Variants in NHSL2 observed in about 807,000 individuals in gnomAD.
NHSL2 encodes NHS-like protein 2.
NHSL2 carries 27 observed loss-of-function variants against 53.4 expected under a neutral mutation model. That is an observed-to-expected ratio of 0.51 (90% CI 0.37 to 0.70). The LOEUF (loss-of-function observed/expected upper bound fraction) is 0.70. NHSL2 is among the 30% of genes least tolerant of loss of function. The pLI, the probability that NHSL2 is intolerant of heterozygous loss-of-function variation, is 0.00. For synonymous variants in NHSL2, 408 were observed against 404.1 expected, an observed-to-expected ratio of 1.01 and a Z score of -0.12; for missense variants, 892 against 980.1, an observed-to-expected ratio of 0.91 and a Z score of 1.20.
chrX:72,004,714 G>T (rs1037784995), intron 1 of NHSL2, among the ~76,000 whole-genome samples: 3 of 106,924 alleles, frequency 2.8e-5, no homozygotes, highest in Non-Finnish European at 5.8e-5. Context: ...TGTCTGCTAG[G>T]ACCTGTCCGC....
intron 1 of NHSL2, among the ~76,000 whole-genome samples, chrX:72,034,185 C>T (rs1229762755): frequency 8.9e-6 from 1 of 111,845 alleles, no homozygotes; most frequent in African/African-American, 3.3e-5. Flanking sequence ...TATGGTTATT[C>T]TTCTTTAGCC....
chrX:71,979,743 T>C (rs2041966176), intron 1 of NHSL2, among the ~76,000 whole-genome samples: 1 of 112,019 alleles, frequency 8.9e-6, no homozygotes, highest in Admixed American at 9.4e-5. Context: ...TTTCTTTTGC[T>C]GTGCAGAAGC....
chrX:72,007,762 A>G (rs983196952), intron 1 of NHSL2, among the ~76,000 whole-genome samples: 9 of 113,427 alleles, frequency 7.9e-5, no homozygotes, highest in African/African-American at 1.6e-4. Flanking sequence ...CCAGATTCCA[A>G]TGAAGGTCAT....
chrX:71,987,315 G>T (rs1023806544), intron 1 of NHSL2, among the ~76,000 whole-genome samples: 3 of 112,714 alleles, frequency 2.7e-5, no homozygotes, highest in African/African-American at 9.7e-5. Flanking sequence ...TGGCTAGTAA[G>T]CCATTGTAGT....
intron 4 of NHSL2, 130 bp from the exon 5 acceptor site, chrX:72,136,961 GGAA>G: frequency 1.8e-6 from 1 of 549,835 alleles, no homozygotes. Flanking sequence ...GGAAGGATGA[GGAA>G]GAAGTGCCAC....
At chrX:72,055,859 G>A (rs2042366290) in intron 1 of NHSL2, among the ~76,000 whole-genome samples, 1 of 112,544 alleles carries the variant, frequency 8.9e-6, no homozygotes, top group Non-Finnish European at 1.9e-5. Flanking sequence ...TTCTAAAAAA[G>A]ATGTCACCTT....
At chrX:72,017,102 C>A (rs1402276372) in intron 1 of NHSL2, among the ~76,000 whole-genome samples, 1 of 111,497 alleles carries the variant, frequency 9.0e-6, no homozygotes, top group Admixed American at 9.4e-5. Flanking sequence ...AAACAACCCA[C>A]CCCAGAAGGG....
intron 1 of NHSL2, among the ~76,000 whole-genome samples, chrX:71,985,734 A>C (rs1021034484): frequency 8.9e-6 from 1 of 112,725 alleles, no homozygotes; most frequent in Non-Finnish European, 1.9e-5. Context: ...CAGTCCATTC[A>C]GTCAACTCCT....
chrX:72,031,474 C>G (rs1198064439), intron 1 of NHSL2, among the ~76,000 whole-genome samples: 3 of 112,342 alleles, frequency 2.7e-5, no homozygotes, highest in Non-Finnish European at 5.6e-5. Flanking sequence ...TAAGCACTTA[C>G]TAATTATTAG....
At chrX:71,921,733 T>A (rs761989505) in intron 1 of NHSL2, among the ~76,000 whole-genome samples, 80 of 111,681 alleles carry the variant, frequency 7.2e-4, no homozygotes, top group Non-Finnish European at 1.4e-3. Context: ...CATCGGAGTA[T>A]AGGCAAGAGG....
chrX:72,032,174 C>T (rs2042218913), intron 1 of NHSL2, among the ~76,000 whole-genome samples: 1 of 111,419 alleles, frequency 9.0e-6, no homozygotes, highest in South Asian at 3.8e-4. Flanking sequence ...GGCGGATCAC[C>T]TGAGGTCAGG....
At chrX:72,083,781 G>T (rs747948506) in intron 1 of NHSL2, among the ~76,000 whole-genome samples, 3 of 111,909 alleles carry the variant, frequency 2.7e-5, no homozygotes, top group Non-Finnish European at 5.6e-5. Context: ...TGTGAAACTG[G>T]TACCCTAATG....
chrX:72,095,691 C>T (rs1362013478), intron 1 of NHSL2, among the ~76,000 whole-genome samples: 3 of 111,719 alleles, frequency 2.7e-5, no homozygotes, highest in Non-Finnish European at 3.8e-5. Flanking sequence ...TCCACACTCC[C>T]GTAGCTCTCT....
chrX:72,011,456 G>A (rs1032173846), intron 1 of NHSL2, among the ~76,000 whole-genome samples: 4 of 112,210 alleles, frequency 3.6e-5, no homozygotes, highest in African/African-American at 1.3e-4. Flanking sequence ...CGGATCACGA[G>A]GTCAGGAGAT....
chrX:72,065,430 A>C (rs73563870), intron 1 of NHSL2, among the ~76,000 whole-genome samples: 2,338 of 112,254 alleles, frequency 0.021, 59 homozygotes, highest in African/African-American at 0.071. Flanking sequence ...TGAGAGGCTC[A>C]GCCAGCCAGA....
At chrX:71,954,098 CA>C (rs778610270) in intron 1 of NHSL2, among the ~76,000 whole-genome samples, 68 of 112,519 alleles carry the variant, frequency 6.0e-4, no homozygotes, top group African/African-American at 2.1e-3. Context: ...ATGTTACAGG[CA>C]TTCCCTGGGG....
At chrX:71,980,319 G>A (rs2041969700) in intron 1 of NHSL2, among the ~76,000 whole-genome samples, 1 of 111,684 alleles carries the variant, frequency 9.0e-6, no homozygotes, top group African/African-American at 3.3e-5. Flanking sequence ...GTAGCTTGAT[G>A]GGGATGGCAT....
chrX:72,131,096 C>T, intron 1 of NHSL2: 1 of 1,208,260 alleles, frequency 8.3e-7, no homozygotes, highest in Non-Finnish European at 1.1e-6. Flanking sequence ...TCAGGCCGCT[C>T]CAGCGGTGCC....
At chrX:72,107,696 T>C (rs1168438947) in intron 1 of NHSL2, among the ~76,000 whole-genome samples, 2 of 111,280 alleles carry the variant, frequency 1.8e-5, no homozygotes, top group African/African-American at 3.3e-5. Flanking sequence ...AAAAGCGAAG[T>C]TGGGACAATG....
Sources: gnomAD v4.1 joint callset for allele counts (sites outside exome capture counted in the v4.1 genomes callset) on GRCh38, gnomAD v4.1.1 for gene constraint, MANE v1.5 for transcripts, NCBI Gene and HGNC (gene_info 2026-07-23, HGNC 2026-07-21) for gene names.